FAM186A: variants seen among roughly 807,000 people sequenced by gnomAD.
The protein encoded by FAM186A is protein FAM186A.
A neutral mutation model predicts 216.8 loss-of-function variants in FAM186A; 163 were observed. The ratio of observed to expected loss-of-function variants is 0.75; its 90% CI spans 0.66 to 0.86. The LOEUF (loss-of-function observed/expected upper bound fraction) is 0.86, where lower values mean the gene tolerates loss of function less well. Among genes scored for constraint, FAM186A ranks in the 40% least tolerant of loss-of-function variants. The pLI, the probability that FAM186A is intolerant of heterozygous loss-of-function variation, is 0.00. For synonymous variants in FAM186A, 805 were observed against 1,025.3 expected (o/e 0.79, Z 4.10); for missense variants, 2,184 against 2,746.2 (o/e 0.80, Z 4.58).
intron 4 of FAM186A, among the ~76,000 whole-genome samples, chr12:50,348,505 G>A (rs914912500): frequency 2.6e-5 from 4 of 152,054 alleles, no homozygotes; most frequent in African/African-American, 9.7e-5. Flanking sequence ...TTACAGGCAT[G>A]AGCCACTGCA....
intron 4 of FAM186A, among the ~76,000 whole-genome samples, chr12:50,336,193 CAT>C (rs1361296970): frequency 3.3e-5 from 5 of 151,660 alleles, no homozygotes; most frequent in Non-Finnish European, 7.4e-5. Flanking sequence ...GAGGGACAGT[CAT>C]AAAAAGATTC....
rs1942930016 is a variant in FAM186A, at chr12:50,353,301, C to T, written c.3531G>A (p.Gln1177=). 1.3e-6 allele frequency: 2 copies of T among 1,543,892 alleles called. No individual in the cohort carries two copies. Among genetic ancestry groups the T allele is most frequent in the Admixed American group, 4.0e-5 (2 of 49,698 alleles). Residue 1177 remains glutamine (Q), a synonymous_variant, in exon 4 of 8, where the codon CAG becomes CAA. Coordinates refer to ENST00000327337, the MANE Select transcript of FAM186A (RefSeq NM_001145475.3). The part of the protein sequence containing the change: ...LGIPLTPQQA[Q]ALGIPLTPQQ... ...GAGGGGTGAGAGGGATCCCCAGGGC[C>T]TGGGCCTGCTGAGGGGTAAGAGGGA...
chr12:50,340,380 T>C (rs1221105069), intron 4 of FAM186A, among the ~76,000 whole-genome samples: 2 of 152,150 alleles, frequency 1.3e-5, no homozygotes, highest in Non-Finnish European at 2.9e-5. Flanking sequence ...CTAATCCCTG[T>C]ACCTAACACA....
intron 2 of FAM186A, among the ~76,000 whole-genome samples, chr12:50,362,061 C>T (rs914219606): frequency 6.6e-6 from 1 of 152,086 alleles, no homozygotes; most frequent in Non-Finnish European, 1.5e-5. Context: ...CAATCTCCAC[C>T]TCCCGGGTTC....
intron 4 of FAM186A, among the ~76,000 whole-genome samples, chr12:50,344,501 C>T (rs1195646916): frequency 6.6e-6 from 1 of 152,178 alleles, no homozygotes; most frequent in Non-Finnish European, 1.5e-5. Context: ...ACCACATTTT[C>T]TTTATCCAGT....
In FAM186A at chr12:50,353,787, A is replaced by C. The variant is rs1396944598; in HGVS notation, c.3045T>G (p.Ser1015Arg). Residue 1015 changes from serine to arginine, a missense_variant, in exon 4 of 8, where the codon AGT (serine) becomes AGG (arginine). By Grantham distance (110) the Ser-to-Arg change is moderately radical. Around this residue, in one of 7 missense-constraint regions of FAM186A, gnomAD observed 1,132 missense variants for 1,263.4 expected, o/e 0.90. Coordinates refer to ENST00000327337, the MANE Select transcript of FAM186A (RefSeq NM_001145475.3). The stretch of plus-strand genomic sequence containing the variant: ...ATGACCGCTGTACATCTTTCAATAC[A>C]CTCTTCCACCTGGGAGATAATGTCA... ...TPMTLSPRWK[S>R]VLKDVQRSYE... The C allele has an allele frequency of 4.5e-6, 7 of 1,551,080 alleles. No homozygotes were observed. The highest frequency in any genetic ancestry group is 6.1e-6 in the Non-Finnish European group (7 of 1,146,862).
Position 50,355,220 on chromosome 12 carries a change from C to G in FAM186A, c.1612G>C (p.Gly538Arg). ...TGCTCCAACATCATCATACTTGTTC[C>G]ACTTTTGCCACCTTGGCTCTTTGTT... ...TETKSQGGKS[G>R]TSMMMLEQFR... Residue 538 changes from glycine to arginine, a missense_variant, in exon 4 of 8, where the codon GGA becomes CGA. Physicochemically the swap from Gly to Arg is moderately radical, Grantham distance 125 (BLOSUM62 -2). Transcript: ENST00000327337. 6.4e-7 allele frequency: 1 copy of G among 1,551,698 alleles called. No individual in the cohort carries two copies. The highest frequency in any genetic ancestry group is 8.7e-7 in the Non-Finnish European group (1 of 1,146,994).
intron 1 of FAM186A, among the ~76,000 whole-genome samples, chr12:50,376,898 G>A (rs1943203534): frequency 6.6e-6 from 1 of 151,732 alleles, no homozygotes; most frequent in Non-Finnish European, 1.5e-5. Flanking sequence ...GTGCCACCAT[G>A]GTCAGCTAAT....
At chr12:50,327,501 G>C in intron 7 of FAM186A, 97 bp from the exon 8 acceptor site, 7 of 740,226 alleles carry the variant, frequency 9.5e-6, no homozygotes, top group East Asian at 3.0e-5. Flanking sequence ...AGTGCCTCCA[G>C]AACTCAAAAA....
At chr12:50,356,767 G>A (rs1342406246) in intron 3 of FAM186A, among the ~76,000 whole-genome samples, 3 of 152,178 alleles carry the variant, frequency 2.0e-5, no homozygotes, top group African/African-American at 7.2e-5. Context: ...GGGAGACCTG[G>A]GTGGGCAGAT....
At chr12:50,329,925 T>G (rs755612344) in intron 7 of FAM186A, among the ~76,000 whole-genome samples, 1 of 152,208 alleles carries the variant, frequency 6.6e-6, no homozygotes, top group African/African-American at 2.4e-5. Context: ...AGGACTTAGA[T>G]TTCACCAAAA....
At chr12:50,343,989 GTGAT>G (rs1942788765) in intron 4 of FAM186A, among the ~76,000 whole-genome samples, 1 of 147,854 alleles carries the variant, frequency 6.8e-6, no homozygotes, top group African/African-American at 2.5e-5. Context: ...CTGGATTCAA[GTGAT>G]TCACCACCTT....
intron 5 of FAM186A, among the ~76,000 whole-genome samples, 181 bp from the exon 6 acceptor site, chr12:50,332,002 A>G (rs183560510): frequency 2.6e-5 from 4 of 152,284 alleles, no homozygotes; most frequent in Admixed American, 2.6e-4. Flanking sequence ...TCTGCTACAT[A>G]AAAACCTTTG....
intron 3 of FAM186A, among the ~76,000 whole-genome samples, chr12:50,357,465 G>A (rs1379501412): frequency 1.4e-5 from 2 of 140,798 alleles, no homozygotes; most frequent in African/African-American, 5.3e-5. Context: ...TCACACCACT[G>A]TACTTCAGCC....
rs1275832451 is a variant in FAM186A, at chr12:50,365,676, TC to T, written c.193-2313del. Reference sequence around the variant, plus strand: ...AATGAAGTTCAGTCCCTTTGTGACTTCCGACTGAAGCAAGAATCACAAAAGG... The same window carrying T: ...AATGAAGTTCAGTCCCTTTGTGACTTCGACTGAAGCAAGAATCACAAAAGG... On this transcript the variant is annotated intron_variant, in intron 1 of 7. Transcript: ENST00000327337. 7.0e-6 allele frequency: 5 copies of T among 716,974 alleles called. No homozygotes were observed. The African/African-American group carries it at 8.6e-5, about 12-fold the overall frequency. The allele number at this position is 716,974 out of a possible 1,614,324, so 44.4% of individuals were successfully genotyped here. A position where few individuals can be genotyped will look rare whatever the true frequency, so the allele number is the denominator to read the frequency against.
intron 5 of FAM186A, among the ~76,000 whole-genome samples, chr12:50,333,422 C>G (rs1565878445): frequency 6.6e-6 from 1 of 152,106 alleles, no homozygotes; most frequent in African/African-American, 2.4e-5. Flanking sequence ...ATCCCATCTA[C>G]TCGGGAGGCT....
At chr12:50,337,100 CAT>C (rs1942716084) in intron 4 of FAM186A, among the ~76,000 whole-genome samples, 1 of 151,118 alleles carries the variant, frequency 6.6e-6, no homozygotes, top group African/African-American at 2.4e-5. Context: ...AATATTTAAA[CAT>C]ATTAGATTTT....
intron 4 of FAM186A, 60 bp from the exon 5 acceptor site, chr12:50,334,163 T>G: frequency 7.5e-7 from 1 of 1,340,704 alleles, no homozygotes; most frequent in Non-Finnish European, 9.9e-7. Context: ...TCAACAAACT[T>G]GTCCTCAGTT....
intron 1 of FAM186A, among the ~76,000 whole-genome samples, chr12:50,380,426 T>G (rs1592631298): frequency 2.0e-5 from 3 of 148,714 alleles, no homozygotes. Context: ...CTGTAATCCC[T>G]GCACTTTGGG....
Sources: allele counts gnomAD v4.1 joint callset (sites outside exome capture counted in the v4.1 genomes callset), GRCh38; gene constraint gnomAD v4.1.1; regional missense constraint gnomAD v4.1.1; transcripts MANE v1.5; gene names NCBI Gene and HGNC (gene_info 2026-07-23, HGNC 2026-07-21).